DOCK10: variants seen among roughly 807,000 people sequenced by gnomAD.
DOCK10 encodes dedicator of cytokinesis 10.
Under a neutral mutation model 280.1 loss-of-function variants are expected in DOCK10, and 145 were observed. The ratio of observed to expected loss-of-function variants is 0.52; its 90% CI spans 0.45 to 0.59. The LOEUF (loss-of-function observed/expected upper bound fraction) is 0.59. DOCK10 is among the 20% of genes least tolerant of loss of function. The probability of loss-of-function intolerance (pLI) is 0.00; values close to 1 mark genes in which losing one functional copy is unlikely to be tolerated. For missense variants in DOCK10, 2,368 were observed against 2,651.7 expected (o/e 0.89, Z 2.35); for synonymous variants, 915 against 942.2 (o/e 0.97, Z 0.53).
chr2:224,953,360 C>A (rs1468982395), intron 1 of DOCK10, among the ~76,000 whole-genome samples: 4 of 152,164 alleles, frequency 2.6e-5, no homozygotes, highest in Non-Finnish European at 4.4e-5. Context: ...TGCTGCACAG[C>A]CTTTCTGTCA....
chr2:224,910,794 C>T (rs921665000), intron 3 of DOCK10, among the ~76,000 whole-genome samples: 7 of 152,146 alleles, frequency 4.6e-5, no homozygotes, highest in South Asian at 2.1e-4. Flanking sequence ...ATTATCATCA[C>T]GGGATATTTG....
At chr2:224,990,020 GA>G (rs1706084179) in intron 1 of DOCK10, among the ~76,000 whole-genome samples, 1 of 151,986 alleles carries the variant, frequency 6.6e-6, no homozygotes, top group Non-Finnish European at 1.5e-5. Context: ...AATCACTTTG[GA>G]AAAAAGCACA....
At chr2:224,886,564 G>C in intron 4 of DOCK10, 33 bp from the exon 5 acceptor site, 4 of 1,540,094 alleles carry the variant, frequency 2.6e-6, no homozygotes, top group Non-Finnish European at 3.5e-6. Flanking sequence ...ATTCTGATTT[G>C]TCATTGGAGA....
chr2:224,798,099 G>T, intron 41 of DOCK10, 130 bp from the exon 42 acceptor site: 1 of 854,828 alleles, frequency 1.2e-6, no homozygotes, highest in Non-Finnish European at 1.8e-6. Flanking sequence ...GATTGAACAA[G>T]GAGACACAGT....
At chr2:224,871,568 G>A (rs1698290838) in intron 11 of DOCK10, among the ~76,000 whole-genome samples, 1 of 152,122 alleles carries the variant, frequency 6.6e-6, no homozygotes, top group East Asian at 1.9e-4. Context: ...TATGGCTTAA[G>A]GCCCTACATC....
chr2:224,826,852 A>G lies in DOCK10; in HGVS notation c.3037-3205T>C, dbSNP rs530262714. 4.6e-5 allele frequency among the ~76,000 whole-genome samples: 7 copies of G among 152,114 alleles called. No individual in the cohort carries two copies. In the South Asian group the frequency reaches 1.5e-3, roughly 32 times the overall value. ...GGTGGCCATGCCTGTAGTCCCAGCT[A>G]CTAGGGATGCTGAGGTGAGAGAATC... is the stretch of plus-strand genomic sequence containing the variant. On this transcript the variant is annotated intron_variant, in intron 27 of 55. Coordinates refer to ENST00000258390, the MANE Select transcript of DOCK10 (RefSeq NM_014689.3).
intron 1 of DOCK10, among the ~76,000 whole-genome samples, chr2:224,947,501 A>T (rs550081697): frequency 4.6e-4 from 70 of 152,364 alleles, no homozygotes; most frequent in African/African-American, 1.6e-3. Context: ...AACAAGAAGA[A>T]GATATTAGAA....
chr2:224,855,096 C>CACACAT, intron 15 of DOCK10, 54 bp from the exon 16 acceptor site: 1 of 1,186,692 alleles, frequency 8.4e-7, no homozygotes, highest in Non-Finnish European at 1.2e-6. Context: ...CACACACACA[C>CACACAT]ACACAGAGTA....
chr2:224,876,165 A>G lies in DOCK10; in HGVS notation c.804T>C (p.Phe268=), dbSNP rs1475587541. Residue 268 remains phenylalanine, a synonymous_variant, in exon 8 of 56, where the codon TTT becomes TTC. Coordinates refer to ENST00000258390, the MANE Select transcript of DOCK10 (RefSeq NM_014689.3). ...CTGACTCTGTTTCAGCTGCCAGCAC[A>G]AAATAGGTCAGATCATTCATTTTCA... ...FELKMNDLTY[F]VLAAETESDM... is the part of the protein sequence containing the mutation. 2.5e-6 allele frequency: 4 copies of G among 1,613,884 alleles called. No individual in the cohort carries two copies. The highest frequency in any genetic ancestry group is 3.4e-6 in the Non-Finnish European group (4 of 1,179,836).
In DOCK10 at chr2:224,945,492, A is replaced by C. The variant is rs569023084; in HGVS notation, c.124-13824T>G. 3.3e-5 allele frequency among the ~76,000 whole-genome samples: 5 copies of C among 152,252 alleles called. No individual in the cohort carries two copies. In the South Asian group the frequency reaches 1.0e-3, roughly 32 times the overall value. ...CTGCATGTATTCACCAATGGCAGAC[A>C]CACACTCCTGAGATAGAAACTGAAC... is the stretch of plus-strand genomic sequence containing the variant. On this transcript the variant is annotated intron_variant, in intron 1 of 55. Coordinates refer to ENST00000258390, the MANE Select transcript of DOCK10 (RefSeq NM_014689.3).
intron 2 of DOCK10, 36 bp from the exon 3 acceptor site, chr2:224,916,820 G>A: frequency 6.5e-7 from 1 of 1,530,788 alleles, no homozygotes; most frequent in Non-Finnish European, 9.0e-7. Flanking sequence ...GAGTCCTCCG[G>A]CTTAGAAGTG....
chr2:224,773,919 G>A (rs9973540), intron 52 of DOCK10, among the ~76,000 whole-genome samples: 2,724 of 152,186 alleles, frequency 0.018, 71 homozygotes, highest in African/African-American at 0.057. Flanking sequence ...GTGAGCCACC[G>A]CACCCGGCCA....
Position 224,845,300 on chromosome 2 carries a change from A to C in DOCK10, c.2384T>G (p.Met795Arg). 6.3e-7 allele frequency: 1 copy of C among 1,591,476 alleles called. No individual in the cohort carries two copies. The highest frequency in any genetic ancestry group is 8.6e-7 in the Non-Finnish European group (1 of 1,167,656). The change falls in exon 21 of 56, where the codon ATG (methionine) becomes AGG (arginine). Residue 795 changes from methionine to arginine, a missense_variant. Met to Arg is a moderately conservative substitution (Grantham distance 91). This residue lies in a region of DOCK10 where 1,209 missense variants were observed against 1,250.9 expected (regional missense o/e 0.97). Coordinates refer to ENST00000258390, the MANE Select transcript of DOCK10 (RefSeq NM_014689.3). The stretch of plus-strand genomic sequence containing the variant: ...TTGAGAAGCTATCTGATCGTGTTTC[A>C]TCAGAGGAAGCCAAGCATATCCAAC... ...TSVGYAWLPL[M>R]KHDQIASQEY...
chr2:224,947,286 A>C (rs752442008), intron 1 of DOCK10, among the ~76,000 whole-genome samples: 1 of 152,222 alleles, frequency 6.6e-6, no homozygotes, highest in Non-Finnish European at 1.5e-5. Flanking sequence ...CAACCAAATC[A>C]AGATTGAATT....
In DOCK10 at chr2:224,868,842, T is replaced by G. The variant is rs534415575; in HGVS notation, c.1258-3755A>C. On this transcript the variant is annotated intron_variant, in intron 11 of 55. Coordinates refer to ENST00000258390, the MANE Select transcript of DOCK10 (RefSeq NM_014689.3). ...GCCAAGAGTTGAAAAATGCAAAAATTACAGAAAAACAACTAAAGTGGGAAC... is the reference window on the plus strand; with the variant it reads ...GCCAAGAGTTGAAAAATGCAAAAATGACAGAAAAACAACTAAAGTGGGAAC... Among the ~76,000 whole-genome samples, 4 of 152,254 alleles carry G rather than the reference T, an allele frequency of 2.6e-5. No homozygotes were observed. In the South Asian group the frequency reaches 8.3e-4, roughly 32 times the overall value.
intron 1 of DOCK10, among the ~76,000 whole-genome samples, chr2:225,007,902 A>G (rs567069808): frequency 1.3e-5 from 2 of 152,346 alleles, no homozygotes; most frequent in East Asian, 1.9e-4. Context: ...CCTAATTGTG[A>G]GCATGATCAG....
chr2:224,900,014 G>T (rs1168469320), intron 3 of DOCK10, among the ~76,000 whole-genome samples: 1 of 152,104 alleles, frequency 6.6e-6, no homozygotes, highest in Non-Finnish European at 1.5e-5. Context: ...TATTGGACTG[G>T]ATTAGAAATT....
chr2:224,845,244 G>A lies in DOCK10; in HGVS notation c.2440C>T (p.Pro814Ser), dbSNP rs1475891823. ...EYNIPIATSLPPNYLSFQDSA... is the reference protein window; with the variant it reads ...EYNIPIATSLSPNYLSFQDSA... ...TCTTGAAAGCTTAAATAATTAGGAG[G>A]CAGACTTGTTGCTATTGGGATGTTG... Residue 814 changes from proline (P) to serine (S), a missense_variant, in exon 21 of 56, where the codon CCT becomes TCT. By Grantham distance (74) the Pro-to-Ser change is moderately conservative. Coordinates refer to ENST00000258390, the MANE Select transcript of DOCK10 (RefSeq NM_014689.3). 6.3e-7 allele frequency: 1 copy of A among 1,583,984 alleles called. No individual in the cohort carries two copies. The highest frequency in any genetic ancestry group is 1.8e-5 in the Admixed American group (1 of 55,280).
chr2:224,965,969 G>T (rs949355283), intron 1 of DOCK10, among the ~76,000 whole-genome samples: 10 of 152,158 alleles, frequency 6.6e-5, no homozygotes, highest in African/African-American at 2.4e-4. Context: ...TTTAAGTTCT[G>T]GGAGAAATGC....
Sources: allele counts gnomAD v4.1 joint callset (sites outside exome capture counted in the v4.1 genomes callset), GRCh38; gene constraint gnomAD v4.1.1; regional missense constraint gnomAD v4.1.1; transcripts MANE v1.5; gene names NCBI Gene and HGNC (gene_info 2026-07-23, HGNC 2026-07-21).